The following NCKAP5 variants were observed in gnomAD, a reference collection of about 807,000 sequenced individuals.
NCKAP5 encodes the protein NCK associated protein 5.
NCKAP5 carries 92 observed loss-of-function variants against 167.0 expected under a neutral mutation model. That is an observed-to-expected ratio of 0.55 (90% CI 0.47 to 0.66). The LOEUF is 0.66. Ranked by LOEUF, NCKAP5 falls within the 30% of genes least tolerant of loss-of-function variation. The pLI is 0.00. For synonymous variants in NCKAP5, 891 were observed against 877.4 expected (o/e 1.02, Z -0.27); for missense variants, 2,378 against 2,315.0 (o/e 1.03, Z -0.56).
chr2:133,328,523 C>G (rs1210254959), intron 3 of NCKAP5, among the ~76,000 whole-genome samples: 1 of 152,204 alleles, frequency 6.6e-6, no homozygotes, highest in Non-Finnish European at 1.5e-5. Context: ...GTGGTGCCAC[C>G]AGGTAGAGCT....
chr2:132,977,703 C>T (rs1355577161), intron 7 of NCKAP5, among the ~76,000 whole-genome samples: 1 of 152,116 alleles, frequency 6.6e-6, no homozygotes, highest in African/African-American at 2.4e-5. Flanking sequence ...GAGAGAAGCT[C>T]CACCTATTTG....
intron 6 of NCKAP5, among the ~76,000 whole-genome samples, chr2:133,121,202 T>C (rs1208008352): frequency 1.3e-5 from 2 of 152,144 alleles, no homozygotes; most frequent in Non-Finnish European, 2.9e-5. Flanking sequence ...ACAGGTCCAA[T>C]ATTATAGGTC....
At chr2:133,286,671 T>TG (rs1352407095) in intron 4 of NCKAP5, among the ~76,000 whole-genome samples, 1 of 152,218 alleles carries the variant, frequency 6.6e-6, no homozygotes, top group Non-Finnish European at 1.5e-5. Flanking sequence ...ATGTTTATAT[T>TG]GGAGCCTCAC....
chr2:132,790,206 C>T lies in NCKAP5; in HGVS notation c.910-1G>A, dbSNP rs1158807729. The T allele has an allele frequency of 6.2e-7, 1 of 1,609,742 alleles. No homozygotes were observed. Among genetic ancestry groups the T allele is most frequent in the Non-Finnish European group, 8.5e-7 (1 of 1,178,094 alleles). ...CCGATTTTGTATTTAGTTGGTGTTC[C>T]TGAAAAAGCAGGACAGCTCTGAGCA... On this transcript the variant is annotated splice_acceptor_variant, in intron 12 of 19. Coordinates refer to ENST00000409261, the MANE Select transcript of NCKAP5 (RefSeq NM_207363.3). LOFTEE classifies it high-confidence loss of function.
chr2:132,749,873 C>T (rs1679965767), intron 16 of NCKAP5, among the ~76,000 whole-genome samples: 1 of 152,136 alleles, frequency 6.6e-6, no homozygotes, highest in East Asian at 1.9e-4. Context: ...GCCCTGGAGG[C>T]TAGTATAAAG....
At chr2:132,707,394 G>C (rs1185846045) in intron 19 of NCKAP5, among the ~76,000 whole-genome samples, 1 of 152,228 alleles carries the variant, frequency 6.6e-6, no homozygotes, top group Non-Finnish European at 1.5e-5. Flanking sequence ...GGGCTAATGT[G>C]GTCTGGGGTT....
intron 19 of NCKAP5, among the ~76,000 whole-genome samples, 161 bp from the exon 20 acceptor site, chr2:132,673,466 G>A (rs955590144): frequency 7.2e-5 from 11 of 152,120 alleles, no homozygotes; most frequent in African/African-American, 2.7e-4. Context: ...TAATAATAAA[G>A]CCAATTTTAG....
chr2:133,591,797 A>T, the NCKAP5 span, among the ~76,000 whole-genome samples: 1 of 152,242 alleles, frequency 6.6e-6, no homozygotes, highest in Non-Finnish European at 1.5e-5. Context: ...CCCAGAAATG[A>T]CACTCAAGCC....
chr2:133,262,411 C>T (rs148689506), intron 4 of NCKAP5, among the ~76,000 whole-genome samples: 1 of 152,368 alleles, frequency 6.6e-6, no homozygotes, highest in East Asian at 1.9e-4. Context: ...AAATGATTAG[C>T]TTCTCTCCCG....
the NCKAP5 span, among the ~76,000 whole-genome samples, chr2:133,642,215 C>G: frequency 6.6e-6 from 1 of 152,126 alleles, no homozygotes; most frequent in Admixed American, 6.5e-5. Flanking sequence ...AACTCACCCC[C>G]TGCAGGATGG....
intron 3 of NCKAP5, among the ~76,000 whole-genome samples, chr2:133,477,741 T>C (rs930257797): frequency 1.3e-5 from 2 of 152,112 alleles, no homozygotes; most frequent in Non-Finnish European, 2.9e-5. Flanking sequence ...TTTTTTCTTC[T>C]TGTGATGATG....
intron 3 of NCKAP5, among the ~76,000 whole-genome samples, chr2:133,505,710 C>T (rs1206029203): frequency 2.0e-5 from 3 of 152,208 alleles, no homozygotes; most frequent in Non-Finnish European, 2.9e-5. Flanking sequence ...CATTCTCCAG[C>T]CAACTCATGC....
At chr2:132,803,841 C>A (rs1185020837) in intron 11 of NCKAP5, among the ~76,000 whole-genome samples, 2 of 152,102 alleles carry the variant, frequency 1.3e-5, no homozygotes, top group African/African-American at 4.8e-5. Context: ...ACAGAGCTGA[C>A]AATATCCCTG....
At position 132,784,504 on chromosome 2, in the gene NCKAP5, C is replaced by G. The variant is rs775368381; in HGVS notation, c.2307G>C (p.Gln769His). 1 of 1,570,260 alleles carries G rather than the reference C, an allele frequency of 6.4e-7. No individual in the cohort carries two copies. The highest frequency in any genetic ancestry group is 1.8e-5 in the Admixed American group (1 of 54,598). ...GTGTTGGTTTGACCAGCTTTTGCTG[C>G]TGAGGATTTTGTGTCACTGTCCTGG... is the stretch of plus-strand genomic sequence containing the variant. ...FSSRTVTQNP[Q>H]QQKLVKPTHN... Residue 769 changes from glutamine (Q) to histidine (H), a missense_variant, in exon 14 of 20, where the codon CAG becomes CAC. Around this residue, in one of 3 missense-constraint regions of NCKAP5, gnomAD observed 1,049 missense variants for 1,023.4 expected, o/e 1.02. Coordinates refer to ENST00000409261, the MANE Select transcript of NCKAP5 (RefSeq NM_207363.3).
intron 2 of NCKAP5, among the ~76,000 whole-genome samples, chr2:133,540,430 G>C (rs1191381964): frequency 2.0e-5 from 3 of 151,986 alleles, no homozygotes; most frequent in Non-Finnish European, 4.4e-5. Flanking sequence ...ATTTCAAATT[G>C]AGCTAAAACA....
intron 6 of NCKAP5, among the ~76,000 whole-genome samples, chr2:133,018,430 T>C (rs1401815429): frequency 6.6e-6 from 1 of 152,182 alleles, no homozygotes; most frequent in East Asian, 1.9e-4. Flanking sequence ...AAGTGCAAAG[T>C]AGTTAGGACA....
intron 5 of NCKAP5, among the ~76,000 whole-genome samples, chr2:133,167,662 C>T (rs769318558): frequency 1.8e-4 from 27 of 152,146 alleles, no homozygotes; most frequent in Non-Finnish European, 1.5e-4. Flanking sequence ...TGGATCAAAG[C>T]GTAGAACACG....
chr2:133,123,608 A>G, intron 6 of NCKAP5: 1 of 289,358 alleles, frequency 3.5e-6, no homozygotes, highest in Non-Finnish European at 7.3e-6. Context: ...AGCAATTCCA[A>G]ATCAACAGAA....
intron 6 of NCKAP5, among the ~76,000 whole-genome samples, chr2:133,073,271 T>C (rs763610873): frequency 6.6e-6 from 1 of 151,916 alleles, no homozygotes; most frequent in Non-Finnish European, 1.5e-5. Flanking sequence ...TGCCACGTAC[T>C]GAGTCAAGCA....
Sources: allele counts gnomAD v4.1 joint callset (sites outside exome capture counted in the v4.1 genomes callset), GRCh38; gene constraint gnomAD v4.1.1; regional missense constraint gnomAD v4.1.1; transcripts MANE v1.5; gene names NCBI Gene and HGNC (gene_info 2026-07-23, HGNC 2026-07-21).